TAF12: variants seen among roughly 807,000 people sequenced by gnomAD.
TAF12 encodes the protein TATA-box binding protein associated factor 12.
TAF12 carries 3 observed loss-of-function variants against 20.8 expected under a neutral mutation model. The ratio of observed to expected loss-of-function variants is 0.14; its 90% CI spans 0.07 to 0.37. The LOEUF (loss-of-function observed/expected upper bound fraction) is 0.37. TAF12 is among the 10% of genes least tolerant of loss of function. The pLI, the probability that TAF12 is intolerant of heterozygous loss-of-function variation, is 1.00. For missense variants in TAF12, 131 were observed against 197.9 expected, an observed-to-expected ratio of 0.66 and a Z score of 2.03; for synonymous variants, 69 against 70.2, an observed-to-expected ratio of 0.98 and a Z score of 0.09.
chr1:28,632,997 C>T (rs1487874506), intron 1 of TAF12, among the ~76,000 whole-genome samples: 1 of 151,528 alleles, frequency 6.6e-6, no homozygotes. Context: ...CCAAGTAGCT[C>T]GGATTACAGG....
Position 28,614,607 on chromosome 1 carries a change from G to A in TAF12, c.247-1246C>T, listed in dbSNP as rs147490777. On this transcript the variant is annotated intron_variant, in intron 3 of 5. Coordinates refer to ENST00000373824, the MANE Select transcript of TAF12 (RefSeq NM_005644.4). ...TTGAGGCAGGAGAATCGCTGAAGCC[G>A]GGGCAGCAGAGGTTGCAGTGAGCCG... 3.7e-3 allele frequency among the ~76,000 whole-genome samples: 556 copies of A among 151,604 alleles called. 7 individuals are homozygous for A. Among genetic ancestry groups the A allele is most frequent in the African/African-American group, 0.013 (531 of 41,342 alleles).
At chr1:28,644,378 T>A (rs1190181387), upstream of TAF12, among the ~76,000 whole-genome samples, 1 of 152,254 alleles carries the variant, frequency 6.6e-6, no homozygotes, top group Non-Finnish European at 1.5e-5. Context: ...CTAAGCTGTA[T>A]TCCTAGCCTT....
At chr1:28,636,799 T>G (rs1667841245) in intron 1 of TAF12, among the ~76,000 whole-genome samples, 1 of 151,068 alleles carries the variant, frequency 6.6e-6, no homozygotes, top group Non-Finnish European at 1.5e-5. Context: ...AGACCCTGTC[T>G]CAGGGAAAAA....
At chr1:28,608,732 G>A (rs1666756086) in intron 4 of TAF12, among the ~76,000 whole-genome samples, 1 of 151,670 alleles carries the variant, frequency 6.6e-6, no homozygotes, top group South Asian at 2.1e-4. Context: ...TCCAGTCTGG[G>A]CGACAGACTG....
chr1:28,621,678 T>C (rs941066212), intron 2 of TAF12, among the ~76,000 whole-genome samples: 2 of 152,188 alleles, frequency 1.3e-5, no homozygotes, highest in Non-Finnish European at 2.9e-5. Flanking sequence ...CAGAGGAGTA[T>C]ACATTCAGGA....
chr1:28,631,233 CA>C (rs1667608328), intron 1 of TAF12, among the ~76,000 whole-genome samples: 1 of 151,216 alleles, frequency 6.6e-6, no homozygotes, highest in Non-Finnish European at 1.5e-5. Flanking sequence ...AGAAAATGGG[CA>C]GACTCGGCCA....
At chr1:28,616,014 G>A (rs1435104262) in intron 3 of TAF12, among the ~76,000 whole-genome samples, 1 of 152,148 alleles carries the variant, frequency 6.6e-6, no homozygotes, top group Non-Finnish European at 1.5e-5. Flanking sequence ...TCTCCAAAGA[G>A]CTAGTTGTTA....
intron 1 of TAF12, 51 bp downstream of exon 1, chr1:28,642,941 T>C: frequency 6.1e-6 from 6 of 986,360 alleles, no homozygotes; most frequent in Non-Finnish European, 7.2e-6. Context: ...GTCTGGGTCC[T>C]GACTCCCTCC....
At chr1:28,614,918 A>G (rs768028103) in intron 3 of TAF12, among the ~76,000 whole-genome samples, 1 of 151,998 alleles carries the variant, frequency 6.6e-6, no homozygotes, top group Non-Finnish European at 1.5e-5. Context: ...TAGCCTGGGC[A>G]ACATGGATGG....
intron 4 of TAF12, 111 bp from the exon 5 acceptor site, chr1:28,605,571 T>C (rs1274904238): frequency 4.2e-6 from 4 of 942,510 alleles, no homozygotes; most frequent in Non-Finnish European, 6.5e-6. Flanking sequence ...GGCTACTAAC[T>C]CCACAAAGGG....
chr1:28,633,509 G>T (rs992540388), intron 1 of TAF12, among the ~76,000 whole-genome samples: 2 of 150,096 alleles, frequency 1.3e-5, no homozygotes, highest in African/African-American at 4.9e-5. Flanking sequence ...AGGTGCAGTG[G>T]CTCATGCCTG....
intron 1 of TAF12, among the ~76,000 whole-genome samples, chr1:28,636,943 A>T (rs1667848195): frequency 6.6e-6 from 1 of 152,160 alleles, no homozygotes; most frequent in Non-Finnish European, 1.5e-5. Flanking sequence ...GTGGCTAGCC[A>T]CCATGCTCCA....
intron 1 of TAF12, among the ~76,000 whole-genome samples, chr1:28,631,164 G>A (rs1027756247): frequency 2.6e-5 from 4 of 151,906 alleles, no homozygotes; most frequent in Non-Finnish European, 5.9e-5. Context: ...AAAGGCTTGT[G>A]GGGGAGGAAA....
chr1:28,648,138 T>G (rs1399274719), intron 1 of TAF12: 1 of 984,176 alleles, frequency 1.0e-6, no homozygotes, highest in East Asian at 1.1e-4. Context: ...TGGCTAGGGG[T>G]GGCACAAGTT....
At position 28,622,137 on chromosome 1, in the gene TAF12, T is replaced by C. The variant is rs1667241119; in HGVS notation, c.-56A>G. 7 of 1,554,790 alleles carry C rather than the reference T, an allele frequency of 4.5e-6. No individual in the cohort carries two copies. Among genetic ancestry groups the C allele is most frequent in the Admixed American group, 2.1e-5 (1 of 47,730 alleles). ...GAGCTTATCGAGATCCTGTTTCTTT[T>C]TGGAGCTGTGAGGACCAAGGCCAAT... On this transcript the variant is annotated 5_prime_UTR_variant, in exon 2 of 6. Transcript: ENST00000373824.
intron 1 of TAF12, among the ~76,000 whole-genome samples, chr1:28,626,682 G>A (rs1236237532): frequency 6.6e-6 from 1 of 151,936 alleles, no homozygotes; most frequent in Non-Finnish European, 1.5e-5. Flanking sequence ...ACCGAGGCAG[G>A]CAGAACACCT....
At chr1:28,643,083 A>C (rs557252484), upstream of TAF12, 1 of 985,756 alleles carries the variant, frequency 1.0e-6, no homozygotes, top group South Asian at 4.7e-5. Context: ...GCCCTCCCCG[A>C]CTACTTCCGG....
intron 4 of TAF12, among the ~76,000 whole-genome samples, chr1:28,608,175 CAAAAAA>C (rs58747974): frequency 1.6e-5 from 1 of 63,740 alleles, no homozygotes; most frequent in African/African-American, 5.3e-5. Flanking sequence ...ACTAAAAATA[CAAAAAA>C]AAAAAAAAAA....
chr1:28,608,839 G>T (rs1317210606), intron 4 of TAF12, among the ~76,000 whole-genome samples: 1 of 151,898 alleles, frequency 6.6e-6, no homozygotes, highest in Non-Finnish European at 1.5e-5. Context: ...TACTCCGAAG[G>T]CTGAGGCAGG....
Sources: gnomAD v4.1 joint callset for allele counts (sites outside exome capture counted in the v4.1 genomes callset) on GRCh38, gnomAD v4.1.1 for gene constraint, MANE v1.5 for transcripts, NCBI Gene and HGNC (gene_info 2026-07-23, HGNC 2026-07-21) for gene names.